The following RELN variants were observed in gnomAD, a reference collection of about 807,000 sequenced individuals.
RELN encodes the protein reelin.
In RELN, 108 loss-of-function variants were observed where a neutral mutation model predicts 427.6. The ratio of observed to expected loss-of-function variants is 0.25; its 90% confidence interval spans 0.22 to 0.30. The LOEUF (loss-of-function observed/expected upper bound fraction) is 0.30, where lower values mean the gene tolerates loss of function less well. Ranked by LOEUF, RELN falls within the 10% of genes least tolerant of loss-of-function variation. RELN has a pLI of 1.00. For synonymous variants in RELN, 1,524 were observed against 1,513.4 expected (o/e 1.01, Z -0.16); for missense variants, 3,715 against 4,302.8 (o/e 0.86, Z 3.82).
chr7:103,711,265 G>T (rs1172940706), intron 8 of RELN, among the ~76,000 whole-genome samples: 5 of 152,164 alleles, frequency 3.3e-5, no homozygotes, highest in Non-Finnish European at 7.3e-5. Context: ...TTTGGAATGT[G>T]TAACTTTGTA....
In RELN at chr7:103,561,947, G is replaced by C; in HGVS notation, c.5217C>G (p.Pro1739=). 2 of 1,576,166 alleles carry C rather than the reference G, an allele frequency of 1.3e-6. No individual in the cohort carries two copies. The highest frequency in any genetic ancestry group is 1.7e-6 in the Non-Finnish European group (2 of 1,162,910). ...CCTGAATCCATCTGAACCGGGTCCT[G>C]GGAGAACTAACCAAAAAAAAAAAAA... ...TVYLPLSTIS[P]RTRFRWIQAN... is the part of the protein sequence containing the mutation. Residue 1739 remains proline, a synonymous_variant, in exon 35 of 65, where the codon CCC becomes CCG. Coordinates refer to ENST00000428762, the MANE Select transcript of RELN (RefSeq NM_005045.4).
intron 8 of RELN, among the ~76,000 whole-genome samples, chr7:103,722,727 C>G (rs904545660): frequency 1.3e-5 from 2 of 152,066 alleles, no homozygotes; most frequent in African/African-American, 4.8e-5. Flanking sequence ...AAACATAAAG[C>G]CTTAATTGGT....
intron 63 of RELN, among the ~76,000 whole-genome samples, chr7:103,480,412 G>C (rs1406935645): frequency 2.6e-5 from 4 of 152,068 alleles, no homozygotes; most frequent in African/African-American, 9.7e-5. Flanking sequence ...ATGAATTGAA[G>C]TAATTATTTT....
intron 1 of RELN, among the ~76,000 whole-genome samples, chr7:103,950,073 C>T (rs1200566417): frequency 1.3e-5 from 2 of 152,146 alleles, no homozygotes; most frequent in Admixed American, 1.3e-4. Flanking sequence ...GTTTTGGTGC[C>T]TGGTGAAAGC....
At position 103,969,454 on chromosome 7, in the gene RELN, G is replaced by A. The variant is rs554863509; in HGVS notation, c.226+19677C>T. 5.3e-5 allele frequency among the ~76,000 whole-genome samples: 8 copies of A among 152,292 alleles called. No individual in the cohort carries two copies. The East Asian group carries it at 1.2e-3, about 22-fold the overall frequency. On this transcript the variant is annotated intron_variant, in intron 1 of 64. Transcript: ENST00000428762. The stretch of plus-strand genomic sequence containing the variant: ...AAATATATGGCAATCAATTACATTC[G>A]TAGATGCCAGAAATGGCCAATTAGA...
chr7:103,766,660 C>T (rs1315085443), intron 4 of RELN, among the ~76,000 whole-genome samples: 1 of 152,212 alleles, frequency 6.6e-6, no homozygotes, highest in African/African-American at 2.4e-5. Context: ...TTCACCAATC[C>T]TTAATACAAA....
intron 22 of RELN, among the ~76,000 whole-genome samples, chr7:103,609,762 G>A (rs2117286648): frequency 6.6e-6 from 1 of 152,234 alleles, no homozygotes; most frequent in South Asian, 2.1e-4. Flanking sequence ...AATAATCTGA[G>A]AAGGTTTATT....
At chr7:103,904,256 T>C (rs930078015) in intron 2 of RELN, among the ~76,000 whole-genome samples, 5 of 152,222 alleles carry the variant, frequency 3.3e-5, no homozygotes, top group Admixed American at 2.6e-4. Flanking sequence ...AGTCTATCAC[T>C]GATGGGCATT....
chr7:103,966,047 A>G (rs996973910), intron 1 of RELN, among the ~76,000 whole-genome samples: 2 of 152,232 alleles, frequency 1.3e-5, no homozygotes, highest in Non-Finnish European at 2.9e-5. Context: ...AACAAAGCCA[A>G]TTTTATTACA....
At chr7:103,837,168 A>G (rs1229987469) in intron 2 of RELN, among the ~76,000 whole-genome samples, 1 of 152,104 alleles carries the variant, frequency 6.6e-6, no homozygotes, top group Non-Finnish European at 1.5e-5. Context: ...TTCCCCTGGC[A>G]TATCAGGATT....
intron 6 of RELN, among the ~76,000 whole-genome samples, chr7:103,728,905 C>T (rs1203592854): frequency 6.6e-6 from 1 of 152,114 alleles, no homozygotes; most frequent in Non-Finnish European, 1.5e-5. Context: ...ATTATGCTAA[C>T]CTCACGAATA....
intron 4 of RELN, among the ~76,000 whole-genome samples, chr7:103,775,207 G>A (rs1209050369): frequency 6.6e-6 from 1 of 152,088 alleles, no homozygotes; most frequent in African/African-American, 2.4e-5. Context: ...TAGTTTCATA[G>A]TCTGGAAGAA....
At chr7:103,844,623 C>G (rs1213684055) in intron 2 of RELN, among the ~76,000 whole-genome samples, 1 of 152,048 alleles carries the variant, frequency 6.6e-6, no homozygotes, top group Non-Finnish European at 1.5e-5. Flanking sequence ...TGGGATTCAG[C>G]CCTGTCAATT....
At chr7:103,852,687 G>A (rs1584298267) in intron 2 of RELN, among the ~76,000 whole-genome samples, 1 of 151,544 alleles carries the variant, frequency 6.6e-6, no homozygotes, top group East Asian at 1.9e-4. Flanking sequence ...TGTTGTTGTT[G>A]TTGTTTGTTT....
At chr7:103,659,403 A>C (rs1074301) in intron 12 of RELN, among the ~76,000 whole-genome samples, 42,273 of 151,934 alleles carry the variant, frequency 0.28, 6,098 homozygotes, top group South Asian at 0.38. Context: ...TAAAGAAAAC[A>C]CTATTCTGGT....
intron 2 of RELN, among the ~76,000 whole-genome samples, chr7:103,908,172 A>AGG (rs1795260344): frequency 6.6e-6 from 1 of 152,044 alleles, no homozygotes; most frequent in Non-Finnish European, 1.5e-5. Context: ...GCTCTAGGGG[A>AGG]GGTCCATTCC....
intron 1 of RELN, among the ~76,000 whole-genome samples, chr7:103,923,056 T>C (rs1795650756): frequency 6.6e-6 from 1 of 152,188 alleles, no homozygotes. Context: ...ATTCTGAAGA[T>C]GAAAAACGCC....
At chr7:103,765,794 G>A (rs1339544048) in intron 4 of RELN, among the ~76,000 whole-genome samples, 2 of 152,066 alleles carry the variant, frequency 1.3e-5, no homozygotes, top group Non-Finnish European at 2.9e-5. Flanking sequence ...ATCCTTCTTG[G>A]GCATAAATCT....
intron 41 of RELN, among the ~76,000 whole-genome samples, chr7:103,547,045 CTCAGT>C (rs1830312712): frequency 6.6e-6 from 1 of 152,110 alleles, no homozygotes; most frequent in Non-Finnish European, 1.5e-5. Flanking sequence ...ATGTGTAAAA[CTCAGT>C]TCAAAGAAGA....
Sources: gnomAD v4.1 joint callset for allele counts (sites outside exome capture counted in the v4.1 genomes callset) on GRCh38, gnomAD v4.1.1 for gene constraint, MANE v1.5 for transcripts, NCBI Gene and HGNC (gene_info 2026-07-23, HGNC 2026-07-21) for gene names.